ANO1: variants seen among roughly 807,000 people sequenced by gnomAD.
ANO1 encodes anoctamin-1.
Under a neutral mutation model 124.0 loss-of-function variants are expected in ANO1, and 59 were observed. That is an observed-to-expected ratio of 0.48 (90% CI 0.39 to 0.59). ANO1 has a LOEUF of 0.59. ANO1 is among the 20% of genes least tolerant of loss of function. The pLI, the probability that ANO1 is intolerant of heterozygous loss-of-function variation, is 0.00. For synonymous variants in ANO1, 529 were observed against 532.0 expected, an observed-to-expected ratio of 0.99 and a Z score of 0.08; for missense variants, 1,059 against 1,328.0, an observed-to-expected ratio of 0.80 and a Z score of 3.15.
intron 5 of ANO1, among the ~76,000 whole-genome samples, chr11:70,106,504 C>T (rs2045554382): frequency 6.6e-6 from 1 of 152,148 alleles, no homozygotes; most frequent in African/African-American, 2.4e-5. Flanking sequence ...TCCTCATGAC[C>T]ACCACCTGAG....
chr11:69,971,546 CTTTT>C, the ANO1 span, among the ~76,000 whole-genome samples: 3 of 152,046 alleles, frequency 2.0e-5, no homozygotes, highest in Non-Finnish European at 4.4e-5. Context: ...TTCATTTTTT[CTTTT>C]TCTTTTTACT....
intron 3 of ANO1, 80 bp from the exon 4 acceptor site, chr11:70,103,919 T>A: frequency 6.8e-7 from 1 of 1,480,994 alleles, no homozygotes; most frequent in Non-Finnish European, 9.1e-7. Context: ...GGGATGGTTC[T>A]CTGACCATCC....
chr11:69,993,577 A>C (rs1442052173), intron 1 of ANO1, among the ~76,000 whole-genome samples: 3 of 152,064 alleles, frequency 2.0e-5, no homozygotes, highest in African/African-American at 7.2e-5. Flanking sequence ...CGGTCTTCAG[A>C]TCTCCCCAGC....
the ANO1 span, among the ~76,000 whole-genome samples, chr11:69,968,033 C>T: frequency 6.6e-6 from 1 of 152,148 alleles, no homozygotes; most frequent in South Asian, 2.1e-4. Flanking sequence ...GCCTTCCTGG[C>T]ATCAGGGGTG....
chr11:70,102,925 G>T, intron 2 of ANO1, 141 bp from the exon 3 acceptor site: 1 of 627,974 alleles, frequency 1.6e-6, no homozygotes, highest in East Asian at 2.8e-5. Context: ...TCAAAGTGTT[G>T]TCAACGTGGA....
chr11:70,155,429 G>A (rs1590874600), intron 14 of ANO1, among the ~76,000 whole-genome samples: 1 of 152,282 alleles, frequency 6.6e-6, no homozygotes. Flanking sequence ...TTCCTCCTCT[G>A]TTTCATTTGG....
chr11:70,085,022 C>A (rs2044318354), intron 1 of ANO1, among the ~76,000 whole-genome samples: 2 of 152,148 alleles, frequency 1.3e-5, no homozygotes, highest in South Asian at 4.1e-4. Context: ...GAAACAGCGT[C>A]ACCCTTAGTC....
rs117345976 is a variant in ANO1, at chr11:70,047,900, G to A, written c.59-30642G>A. ...GTTACAGGCAGTTTCTGGCTGGTAGGACACTTTTTGAAATAAATTGTATCG... is the reference window on the plus strand; with the variant it reads ...GTTACAGGCAGTTTCTGGCTGGTAGAACACTTTTTGAAATAAATTGTATCG... On this transcript the variant is annotated intron_variant, in intron 1 of 27. Transcript: ENST00000531349. 5.4e-3 allele frequency among the ~76,000 whole-genome samples: 819 copies of A among 152,278 alleles called. 5 individuals carry two copies. The highest frequency in any genetic ancestry group is 8.4e-3 in the Non-Finnish European group (573 of 68,026).
At position 70,043,285 on chromosome 11, in the gene ANO1, T is replaced by C. The variant is rs782566484; in HGVS notation, c.59-35257T>C. Among the ~76,000 whole-genome samples the C allele has an allele frequency of 4.3e-4, 65 of 151,928 alleles. 1 individual carries two copies. Among genetic ancestry groups the C allele is most frequent in the South Asian group, 6.2e-4 (3 of 4,814 alleles). ...ACATAGCAATAGAAACCCTTCAAAA[T>C]AAAACACAGAGAGAAAAAACACTGG... On this transcript the variant is annotated intron_variant, in intron 1 of 27. Coordinates refer to the ANO1 transcript ENST00000531349.
In ANO1 at chr11:70,152,584, C is replaced by G. The variant is rs912949824; in HGVS notation, c.1353+123C>G. 8 of 1,137,218 alleles carry G rather than the reference C, an allele frequency of 7.0e-6. No individual in the cohort carries two copies. The African/African-American group carries it at 1.1e-4, about 15-fold the overall frequency. The allele number at this position is 1,137,218 out of a possible 1,614,324, so 70.4% of individuals were successfully genotyped here. On this transcript the variant is annotated intron_variant, in intron 13 of 25. Coordinates refer to ENST00000355303, the MANE Select transcript of ANO1 (RefSeq NM_018043.7). Reference sequence around the variant, plus strand: ...CGCAGTTCCTCCACGCGGGTGGGGTCTCTGCTTTCTCCCCACCTCCGGTCT... The same window carrying G: ...CGCAGTTCCTCCACGCGGGTGGGGTGTCTGCTTTCTCCCCACCTCCGGTCT...
intron 1 of ANO1, among the ~76,000 whole-genome samples, chr11:70,058,201 C>T (rs1857485374): frequency 6.6e-6 from 1 of 152,144 alleles, no homozygotes; most frequent in African/African-American, 2.4e-5. Flanking sequence ...TATTAAAGGG[C>T]TAAGAATTGG....
intron 21 of ANO1, among the ~76,000 whole-genome samples, chr11:70,167,849 C>A (rs77662815): frequency 6.6e-6 from 1 of 152,180 alleles, no homozygotes; most frequent in Admixed American, 6.5e-5. Flanking sequence ...TGAAACCCCC[C>A]ACAATCCAAG....
At position 70,189,066 on chromosome 11, in the gene ANO1, C is replaced by T. The variant is rs991309867; in HGVS notation, c.*1062C>T. 2 of 152,546 alleles carry T rather than the reference C, an allele frequency of 1.3e-5. No individual in the cohort carries two copies. Among genetic ancestry groups the T allele is most frequent in the Non-Finnish European group, 2.9e-5 (2 of 68,020 alleles). The allele number at this position is 152,546 out of a possible 1,614,324, so 9.4% of individuals were successfully genotyped here. A position where few individuals can be genotyped will look rare whatever the true frequency, so the allele number is the denominator to read the frequency against. ...TAACACTTCTCTATATTTTTACTCACAGGAATGTCACTGTTGGACAATTAT... is the reference window on the plus strand; with the variant it reads ...TAACACTTCTCTATATTTTTACTCATAGGAATGTCACTGTTGGACAATTAT... On this transcript the variant is annotated 3_prime_UTR_variant, in exon 26 of 26. Coordinates refer to ENST00000355303, the MANE Select transcript of ANO1 (RefSeq NM_018043.7).
chr11:70,128,932 G>T (rs901267151), intron 10 of ANO1, among the ~76,000 whole-genome samples: 1 of 152,244 alleles, frequency 6.6e-6, no homozygotes, highest in African/African-American at 2.4e-5. Context: ...GGCCCTGCCT[G>T]TCCCCAGTCC....
At chr11:70,172,132 A>AAAG (rs1555052151) in intron 22 of ANO1, among the ~76,000 whole-genome samples, 1 of 141,576 alleles carries the variant, frequency 7.1e-6, no homozygotes, top group Middle Eastern at 3.4e-3. Context: ...AAAAAAAAAA[A>AAAG]AAAAGAAAAG....
chr11:70,027,745 GGGA>G (rs1403720630), intron 1 of ANO1, among the ~76,000 whole-genome samples: 4 of 152,212 alleles, frequency 2.6e-5, no homozygotes, highest in Non-Finnish European at 5.9e-5. Context: ...GGTGATTCCA[GGGA>G]GGTGAGGGAT....
At chr11:70,075,898 A>G (rs1399795863), upstream of ANO1, among the ~76,000 whole-genome samples, 2 of 152,240 alleles carry the variant, frequency 1.3e-5, no homozygotes, top group Non-Finnish European at 2.9e-5. Flanking sequence ...CTCCAGCTAC[A>G]GGAATTCTTT....
chr11:69,990,617 C>T (rs61885147), intron 1 of ANO1, among the ~76,000 whole-genome samples: 12,694 of 152,228 alleles, frequency 0.083, 686 homozygotes, highest in East Asian at 0.13. Context: ...CTAGTGTATG[C>T]GGGTTCTAGT....
intron 1 of ANO1, among the ~76,000 whole-genome samples, chr11:70,048,114 C>T (rs1288109458): frequency 6.6e-6 from 1 of 152,132 alleles, no homozygotes; most frequent in Non-Finnish European, 1.5e-5. Flanking sequence ...TTATTTTTGT[C>T]TTCCATTTGC....
Sources: allele counts gnomAD v4.1 joint callset (sites outside exome capture counted in the v4.1 genomes callset), GRCh38; gene constraint gnomAD v4.1.1; transcripts MANE v1.5; gene names NCBI Gene and HGNC (gene_info 2026-07-23, HGNC 2026-07-21).